CCPG1: variants seen among roughly 807,000 people sequenced by gnomAD.
CCPG1 encodes the protein cell cycle progression protein 1.
In CCPG1, 46 loss-of-function variants were observed where a neutral mutation model predicts 81.3. That is an observed-to-expected ratio of 0.57 (90% CI 0.45 to 0.72). CCPG1 has a LOEUF of 0.72. CCPG1 is among the 30% of genes least tolerant of loss of function. The probability of loss-of-function intolerance (pLI) is 0.00; values close to 1 mark genes in which losing one functional copy is unlikely to be tolerated. For missense variants in CCPG1, 902 were observed against 937.6 expected, an observed-to-expected ratio of 0.96 and a Z score of 0.50; for synonymous variants, 330 against 305.2, an observed-to-expected ratio of 1.08 and a Z score of -0.85.
At chr15:55,373,940 G>C (rs1045010924) in intron 5 of CCPG1, among the ~76,000 whole-genome samples, 4 of 152,026 alleles carry the variant, frequency 2.6e-5, no homozygotes, top group Non-Finnish European at 5.9e-5. Flanking sequence ...GAAATATTTT[G>C]ATTTTTAACT....
intron 3 of CCPG1, among the ~76,000 whole-genome samples, chr15:55,383,609 T>G (rs1258001498): frequency 6.6e-6 from 1 of 152,238 alleles, no homozygotes; most frequent in African/African-American, 2.4e-5. Flanking sequence ...GGTAGCCACC[T>G]TCATCCATTA....
intron 6 of CCPG1, among the ~76,000 whole-genome samples, chr15:55,369,659 T>C (rs2056407576): frequency 6.6e-6 from 1 of 152,236 alleles, no homozygotes. Flanking sequence ...TTATCCAGGC[T>C]TTTCATAGCC....
Position 55,377,097 on chromosome 15 carries a change from A to T in CCPG1, c.306T>A (p.Asp102Glu). ...EDSIYIGTAS[D>E]DSDIVTLEPP... The stretch of plus-strand genomic sequence containing the variant: ...GCTCAAGGGTAACAATATCAGAATC[A>T]TCACTGGCAGTTCCAATATAGATAC... The change falls in exon 5 of 9, where the codon GAT becomes GAA. Residue 102 changes from aspartate to glutamate, a missense_variant. This residue lies in a region of CCPG1 where 746 missense variants were observed against 728.6 expected (regional missense o/e 1.02). Coordinates refer to ENST00000442196, the MANE Select transcript of CCPG1 (RefSeq NM_001204450.2). The T allele has an allele frequency of 3.7e-6, 6 of 1,613,874 alleles. No homozygotes were observed. Among genetic ancestry groups the T allele is most frequent in the Non-Finnish European group, 5.1e-6 (6 of 1,179,784 alleles).
chr15:55,380,956 T>C lies in CCPG1; in HGVS notation c.176-2580A>G, dbSNP rs146748946. ...ATCAAGACCATCCTGGCTAACACAG[T>C]GAAACCCCGTCTCTACTAAAAATAC... is the stretch of plus-strand genomic sequence containing the variant. On this transcript the variant is annotated intron_variant, in intron 3 of 8. Coordinates refer to ENST00000442196, the MANE Select transcript of CCPG1 (RefSeq NM_001204450.2). Among the ~76,000 whole-genome samples, 495 of 151,798 alleles carry C rather than the reference T, an allele frequency of 3.3e-3. 1 individual carries two copies. Among genetic ancestry groups the C allele is most frequent in the African/African-American group, 0.011 (466 of 41,378 alleles).
intron 6 of CCPG1, among the ~76,000 whole-genome samples, chr15:55,370,202 G>A (rs1420187450): frequency 6.6e-6 from 1 of 152,070 alleles, no homozygotes; most frequent in Non-Finnish European, 1.5e-5. Context: ...CTAACATTAC[G>A]CTATGTTGAA....
intron 1 of CCPG1, among the ~76,000 whole-genome samples, chr15:55,407,284 A>C (rs1390326988): frequency 1.3e-5 from 2 of 152,068 alleles, no homozygotes; most frequent in Non-Finnish European, 2.9e-5. Context: ...ATCTTCTGCT[A>C]TATGACCTGA....
At chr15:55,403,657 T>C (rs918612053) in intron 1 of CCPG1, among the ~76,000 whole-genome samples, 1 of 152,200 alleles carries the variant, frequency 6.6e-6, no homozygotes, top group Admixed American at 6.5e-5. Context: ...ATGCAATACA[T>C]TGCAAATGAC....
In CCPG1 at chr15:55,356,219, A is replaced by G; in HGVS notation, c.*1T>C. On this transcript the variant is annotated 3_prime_UTR_variant, in exon 9 of 9. Transcript: ENST00000442196. The stretch of plus-strand genomic sequence containing the variant: ...GTTGTCTAATTTAACTCAATTGTGA[A>G]TCAGTATTGAGGATCAAAAGGTAAT... 1 of 1,527,168 alleles carries G rather than the reference A, an allele frequency of 6.5e-7. No homozygotes were observed. The highest frequency in any genetic ancestry group is 2.1e-5 in the Admixed American group (1 of 48,104). 94.6% of individuals were successfully genotyped at this position (1,527,168 alleles called of 1,614,324 possible).
intron 3 of CCPG1, among the ~76,000 whole-genome samples, chr15:55,384,424 T>C (rs1023207603): frequency 2.0e-5 from 3 of 151,924 alleles, no homozygotes; most frequent in Admixed American, 6.6e-5. Context: ...CTTTGGGAGG[T>C]TGACACAGGT....
At chr15:55,359,172 A>G (rs1051099) in intron 8 of CCPG1, 267,942 of 972,746 alleles carry the variant, frequency 0.28, 39,404 homozygotes, top group Non-Finnish European at 0.3. Context: ...CTAGCTTCCA[A>G]AAGTGAATAA....
intron 8 of CCPG1, chr15:55,357,460 C>T (rs149345184): frequency 1.0e-6 from 1 of 983,826 alleles, no homozygotes; most frequent in African/African-American, 1.7e-5. Context: ...ACATTAGTCC[C>T]ACCGTATCCA....
chr15:55,372,972 A>G (rs1401315366), intron 5 of CCPG1: 3 of 534,648 alleles, frequency 5.6e-6, no homozygotes, highest in African/African-American at 3.8e-5. Flanking sequence ...CACTCTTACT[A>G]GAAGGTTATT....
chr15:55,360,923 T>C lies in CCPG1; in HGVS notation c.850A>G (p.Arg284Gly). Reference sequence around the variant, plus strand: ...TCTGCTTCAGTAAGTGTCCAACACCTTGCAAGATTTTCTTTCAATGACTAC... The same window carrying C: ...TCTGCTTCAGTAAGTGTCCAACACCCTGCAAGATTTTCTTTCAATGACTAC... ...DYKSLKENLARCWTLTEAEKM... is the reference protein window; with the variant it reads ...DYKSLKENLAGCWTLTEAEKM... The change falls in exon 8 of 9, where the codon AGG becomes GGG. Residue 284 changes from arginine (R) to glycine (G), a missense_variant. By Grantham distance (125) the Arg-to-Gly change is moderately radical. This residue lies in a region of CCPG1 where 746 missense variants were observed against 728.6 expected (regional missense o/e 1.02). Transcript: ENST00000442196. 6.5e-7 allele frequency: 1 copy of C among 1,543,376 alleles called. No individual in the cohort carries two copies. The highest frequency in any genetic ancestry group is 1.2e-5 in the South Asian group (1 of 80,606).
chr15:55,400,237 G>A (rs375225329), intron 1 of CCPG1, among the ~76,000 whole-genome samples: 1 of 146,782 alleles, frequency 6.8e-6, no homozygotes, highest in Non-Finnish European at 1.5e-5. Context: ...AAGGCCAGGG[G>A]TGGTGAGTCA....
intron 5 of CCPG1, 126 bp downstream of exon 5, chr15:55,376,823 A>G (rs1566973320): frequency 7.5e-6 from 5 of 665,896 alleles, no homozygotes; most frequent in Non-Finnish European, 1.3e-5. Context: ...ACACAAAAAT[A>G]GTCTTGTCTT....
At chr15:55,359,281 T>C (rs145472419) in intron 8 of CCPG1, 16,638 of 1,146,998 alleles carry the variant, frequency 0.015, 136 homozygotes, top group Middle Eastern at 0.019. Flanking sequence ...GGATTTTATA[T>C]ATTCTTAACT....
At chr15:55,388,370 A>G (rs1390918118) in intron 2 of CCPG1, among the ~76,000 whole-genome samples, 3 of 152,226 alleles carry the variant, frequency 2.0e-5, no homozygotes, top group East Asian at 3.8e-4. Context: ...TGTTGTATGT[A>G]TATCAATCTT....
intron 3 of CCPG1, among the ~76,000 whole-genome samples, chr15:55,382,400 G>T (rs966877733): frequency 6.6e-6 from 1 of 152,044 alleles, no homozygotes; most frequent in Admixed American, 6.6e-5. Flanking sequence ...ACCAAGAGTA[G>T]ATTGCATCTC....
intron 3 of CCPG1, among the ~76,000 whole-genome samples, chr15:55,382,156 G>A (rs1036905703): frequency 6.6e-6 from 1 of 152,192 alleles, no homozygotes; most frequent in African/African-American, 2.4e-5. Context: ...GGGTGGAGTA[G>A]CTGGGGCAAT....
Sources: allele counts gnomAD v4.1 joint callset (sites outside exome capture counted in the v4.1 genomes callset), GRCh38; gene constraint gnomAD v4.1.1; regional missense constraint gnomAD v4.1.1; transcripts MANE v1.5; gene names NCBI Gene and HGNC (gene_info 2026-07-23, HGNC 2026-07-21).